The following ATE1 variants were observed in gnomAD, a reference collection of about 807,000 sequenced individuals.
The protein encoded by ATE1 is arginyl-tRNA--protein transferase 1.
A neutral mutation model predicts 70.5 loss-of-function variants in ATE1; 36 were observed. The ratio of observed to expected loss-of-function variants is 0.51; its 90% CI spans 0.39 to 0.67. ATE1 has a LOEUF of 0.67. ATE1 is among the 30% of genes least tolerant of loss of function. The pLI is 0.00. For missense variants in ATE1, 593 were observed against 629.5 expected, an observed-to-expected ratio of 0.94 and a Z score of 0.62; for synonymous variants, 232 against 219.3, an observed-to-expected ratio of 1.06 and a Z score of -0.51.
At chr10:121,744,793 C>T (rs1944283434) in intron 11 of ATE1, among the ~76,000 whole-genome samples, 1 of 152,200 alleles carries the variant, frequency 6.6e-6, no homozygotes, top group African/African-American at 2.4e-5. Context: ...GTTTCCCAGC[C>T]TTCCTGTGGC....
intron 8 of ATE1, among the ~76,000 whole-genome samples, chr10:121,853,280 C>A (rs1284397280): frequency 6.8e-6 from 1 of 146,950 alleles, no homozygotes; most frequent in East Asian, 2.1e-4. Flanking sequence ...AGGAGAATGG[C>A]GTGAACCCAG....
intron 10 of ATE1, among the ~76,000 whole-genome samples, chr10:121,822,548 C>CA (rs1426697212): frequency 1.3e-5 from 2 of 152,096 alleles, no homozygotes; most frequent in African/African-American, 4.8e-5. Flanking sequence ...AATAAGTTTA[C>CA]TTAAAAAGAA....
intron 7 of ATE1, among the ~76,000 whole-genome samples, chr10:121,899,291 A>G (rs986911101): frequency 2.6e-5 from 4 of 152,034 alleles, no homozygotes; most frequent in Admixed American, 2.6e-4. Flanking sequence ...TGCCACCTCT[A>G]CTTATACTAA....
upstream of ATE1, chr10:121,928,270 C>A: frequency 1.4e-6 from 2 of 1,441,456 alleles, no homozygotes; most frequent in Non-Finnish European, 1.8e-6. Flanking sequence ...AGTCGGGGTG[C>A]GAGCCTGCCC....
intron 10 of ATE1, among the ~76,000 whole-genome samples, chr10:121,797,905 C>G (rs1472253558): frequency 6.6e-6 from 1 of 152,090 alleles, no homozygotes; most frequent in Admixed American, 6.6e-5. Context: ...TGTTAATTTC[C>G]TTATTTATTT....
intron 10 of ATE1, among the ~76,000 whole-genome samples, chr10:121,794,481 C>CT (rs1251379604): frequency 6.6e-6 from 1 of 151,492 alleles, no homozygotes; most frequent in Non-Finnish European, 1.5e-5. Context: ...TGGTGCACAC[C>CT]TATAGTCCCA....
intron 11 of ATE1, among the ~76,000 whole-genome samples, chr10:121,778,564 CTTTTTTTTTTTT>C (rs71022864): frequency 1.7e-5 from 1 of 57,154 alleles, no homozygotes; most frequent in Non-Finnish European, 3.0e-5. Flanking sequence ...ATGTGGCCAG[CTTTTTTTTTTTT>C]TTTTTTTTTT....
intron 8 of ATE1, among the ~76,000 whole-genome samples, chr10:121,844,272 G>A (rs1948736239): frequency 6.6e-6 from 1 of 152,182 alleles, no homozygotes; most frequent in African/African-American, 2.4e-5. Context: ...TTAAAAATAA[G>A]GGAGAAGGGG....
chr10:121,892,021 A>T (rs1950596125), intron 7 of ATE1, among the ~76,000 whole-genome samples: 2 of 152,162 alleles, frequency 1.3e-5, no homozygotes, highest in Admixed American at 1.3e-4. Context: ...CCATTTCCTG[A>T]CGTAGAAAAC....
chr10:121,756,154 T>A (rs187662631), intron 11 of ATE1, among the ~76,000 whole-genome samples: 1 of 152,170 alleles, frequency 6.6e-6, no homozygotes, highest in Non-Finnish European at 1.5e-5. Context: ...ACAGGTCCCA[T>A]GCAAGTCCAA....
chr10:121,762,006 T>A (rs951745547), intron 11 of ATE1, among the ~76,000 whole-genome samples: 5 of 152,172 alleles, frequency 3.3e-5, no homozygotes, highest in African/African-American at 1.2e-4. Context: ...CACTCTACAA[T>A]CTATTTTAAA....
intron 3 of ATE1, among the ~76,000 whole-genome samples, chr10:121,920,568 C>T (rs762414087): frequency 6.6e-6 from 1 of 151,346 alleles, no homozygotes; most frequent in Admixed American, 6.6e-5. Context: ...GACCTTATAA[C>T]CAGAATAAGA....
intron 11 of ATE1, among the ~76,000 whole-genome samples, chr10:121,785,639 T>A (rs978322916): frequency 6.6e-6 from 1 of 152,068 alleles, no homozygotes; most frequent in Non-Finnish European, 1.5e-5. Context: ...AAAAACACAA[T>A]ATAGATTAGA....
At chr10:121,796,574 A>T (rs1438061299) in intron 10 of ATE1, among the ~76,000 whole-genome samples, 1 of 152,206 alleles carries the variant, frequency 6.6e-6, no homozygotes, top group Non-Finnish European at 1.5e-5. Context: ...CACAAAGTAG[A>T]GCTGTAATAT....
Position 121,924,471 on chromosome 10 carries a change from C to T in ATE1, c.107-142G>A, listed in dbSNP as rs548121686. On this transcript the variant is annotated intron_variant, in intron 1 of 11. Transcript: ENST00000224652. ...ATCCCAGCACTCTGGGAGGCCAAGGCGGGCAAATCACAAGGTCAGGAGTTC... is the reference window on the plus strand; with the variant it reads ...ATCCCAGCACTCTGGGAGGCCAAGGTGGGCAAATCACAAGGTCAGGAGTTC... 28 of 699,384 alleles carry T rather than the reference C, an allele frequency of 4.0e-5. No individual in the cohort carries two copies. In the East Asian group the frequency reaches 4.3e-4, roughly 11 times the overall value. The allele number at this position is 699,384 out of a possible 1,614,324, so 43.3% of individuals were successfully genotyped here. A position where few individuals can be genotyped will look rare whatever the true frequency, so the allele number is the denominator to read the frequency against.
At chr10:121,883,847 G>A (rs1950297369) in intron 7 of ATE1, among the ~76,000 whole-genome samples, 1 of 151,982 alleles carries the variant, frequency 6.6e-6, no homozygotes, top group South Asian at 2.1e-4. Flanking sequence ...GTTCACGACT[G>A]GAATCCCAGC....
intron 11 of ATE1, among the ~76,000 whole-genome samples, chr10:121,784,273 T>C (rs1034743270): frequency 2.6e-5 from 4 of 152,240 alleles, no homozygotes; most frequent in Non-Finnish European, 5.9e-5. Flanking sequence ...AAAATTTCTC[T>C]GCAAGACTGG....
intron 8 of ATE1, among the ~76,000 whole-genome samples, chr10:121,854,038 A>C (rs1159672643): frequency 6.6e-6 from 1 of 152,206 alleles, no homozygotes. Flanking sequence ...AGGTTCTAAC[A>C]TATAAATTTT....
chr10:121,885,554 C>G (rs1176123726), intron 7 of ATE1, among the ~76,000 whole-genome samples: 1 of 94,608 alleles, frequency 1.1e-5, no homozygotes, highest in East Asian at 3.0e-4. Context: ...TGGGTGACAG[C>G]AAGACTCCGT....
Sources: gnomAD v4.1 joint callset for allele counts (sites outside exome capture counted in the v4.1 genomes callset) on GRCh38, gnomAD v4.1.1 for gene constraint, MANE v1.5 for transcripts, NCBI Gene and HGNC (gene_info 2026-07-23, HGNC 2026-07-21) for gene names.